Variants in TAFA2 observed in about 807,000 individuals in gnomAD.
The protein encoded by TAFA2 is chemokine-like protein TAFA-2.
Under a neutral mutation model 18.8 loss-of-function variants are expected in TAFA2, and 7 were observed. The observed-to-expected ratio is 0.37, with a 90% CI of 0.21 to 0.70. TAFA2 has a LOEUF of 0.70. TAFA2 is among the 30% of genes least tolerant of loss of function. TAFA2 has a pLI of 0.53. For missense variants in TAFA2, 122 were observed against 158.1 expected (o/e 0.77, Z 1.23); for synonymous variants, 60 against 54.2 (o/e 1.11, Z -0.47).
In TAFA2 at chr12:62,234,741, T is replaced by G. The variant is rs2062828028; in HGVS notation, c.-130+24022A>C. ...GGAGCCCCGTCTACCAGTCCTTTCC[T>G]GAGGCCTGGAGTTCTGCTCTGCTGT... On this transcript the variant is annotated intron_variant, in intron 1 of 5. Coordinates refer to the TAFA2 transcript ENST00000551619. 7 of 1,108,922 alleles carry G rather than the reference T, an allele frequency of 6.3e-6. No homozygotes were observed. In the South Asian group the frequency reaches 8.7e-5, roughly 14 times the overall value. 68.7% of individuals were successfully genotyped at this position (1,108,922 alleles called of 1,614,324 possible).
At chr12:61,836,825 G>C (rs1234632842) in intron 2 of TAFA2, among the ~76,000 whole-genome samples, 1 of 148,092 alleles carries the variant, frequency 6.8e-6, no homozygotes, top group Non-Finnish European at 1.5e-5. Flanking sequence ...TAGTGAAATT[G>C]AACCAGTGTT....
chr12:62,201,312 T>G (rs944123077), intron 1 of TAFA2, among the ~76,000 whole-genome samples: 2 of 152,202 alleles, frequency 1.3e-5, no homozygotes, highest in Admixed American at 6.5e-5. Context: ...ATCCTTGTCT[T>G]ATGCTGGTTA....
At chr12:62,007,646 C>T (rs552402868) in intron 1 of TAFA2, among the ~76,000 whole-genome samples, 3 of 152,290 alleles carry the variant, frequency 2.0e-5, no homozygotes, top group Admixed American at 6.5e-5. Context: ...CAGACCCCAT[C>T]TTCTTTCTTT....
intron 1 of TAFA2, among the ~76,000 whole-genome samples, chr12:61,870,632 CCA>C: frequency 6.6e-6 from 1 of 152,166 alleles, no homozygotes; most frequent in East Asian, 1.9e-4. Flanking sequence ...ATCTTTTTCT[CCA>C]CACACACTCA....
chr12:61,918,177 C>T (rs1876907358), intron 1 of TAFA2, among the ~76,000 whole-genome samples: 1 of 152,106 alleles, frequency 6.6e-6, no homozygotes, highest in South Asian at 2.1e-4. Flanking sequence ...AAATCATACT[C>T]TTTTAGTTAT....
At chr12:61,960,928 C>T (rs955829172) in intron 1 of TAFA2, among the ~76,000 whole-genome samples, 2 of 151,904 alleles carry the variant, frequency 1.3e-5, no homozygotes, top group Non-Finnish European at 2.9e-5. Context: ...TGAGTCTGTT[C>T]TTGCATTGCT....
chr12:61,824,603 A>T (rs997161984), intron 2 of TAFA2, among the ~76,000 whole-genome samples: 1 of 152,200 alleles, frequency 6.6e-6, no homozygotes, highest in African/African-American at 2.4e-5. Flanking sequence ...TACTGAAATA[A>T]AGCACATCTT....
chr12:62,065,847 G>C (rs960764192), intron 1 of TAFA2, among the ~76,000 whole-genome samples: 1 of 151,770 alleles, frequency 6.6e-6, no homozygotes, highest in Admixed American at 6.6e-5. Flanking sequence ...AAGAAAAGTG[G>C]TTTTTACTTG....
upstream of TAFA2, among the ~76,000 whole-genome samples, chr12:62,196,781 ATGAAG>A (rs570365538): frequency 4.7e-4 from 72 of 152,374 alleles, no homozygotes; most frequent in African/African-American, 1.7e-3. Context: ...ACACAGAGAC[ATGAAG>A]TGAGCACATG....
intron 2 of TAFA2, among the ~76,000 whole-genome samples, chr12:61,764,495 C>A (rs181737036): frequency 7.2e-5 from 11 of 152,016 alleles, no homozygotes; most frequent in Admixed American, 6.6e-5. Context: ...AGGATTGGGG[C>A]TCTCATGTGT....
chr12:62,162,493 C>A (rs1449704915), intron 1 of TAFA2, among the ~76,000 whole-genome samples: 1 of 152,160 alleles, frequency 6.6e-6, no homozygotes, highest in Non-Finnish European at 1.5e-5. Flanking sequence ...TAGCAGATTA[C>A]CCGTGATGCA....
intron 1 of TAFA2, among the ~76,000 whole-genome samples, chr12:62,078,173 A>C (rs1440721457): frequency 6.6e-6 from 1 of 151,998 alleles, no homozygotes; most frequent in Non-Finnish European, 1.5e-5. Flanking sequence ...CTCCCTTAAC[A>C]AGCTGACCCA....
upstream of TAFA2, chr12:62,192,866 G>A (rs560222328): frequency 2.0e-5 from 3 of 152,306 alleles, no homozygotes; most frequent in East Asian, 1.9e-4. Context: ...TCCCTCTAGA[G>A]GGTCAACCGG....
intron 1 of TAFA2, among the ~76,000 whole-genome samples, chr12:62,222,546 C>T (rs1274726215): frequency 6.6e-6 from 1 of 151,906 alleles, no homozygotes; most frequent in Non-Finnish European, 1.5e-5. Flanking sequence ...CTTGCTCTGT[C>T]GCCCAGGCTG....
At chr12:62,166,363 A>C (rs569996449) in intron 1 of TAFA2, among the ~76,000 whole-genome samples, 20 of 152,298 alleles carry the variant, frequency 1.3e-4, no homozygotes, top group African/African-American at 4.8e-4. Flanking sequence ...GCAAAATTAC[A>C]TGTAGTTTTA....
At chr12:62,199,865 C>T (rs1278405705) in intron 1 of TAFA2, among the ~76,000 whole-genome samples, 1 of 152,132 alleles carries the variant, frequency 6.6e-6, no homozygotes, top group Non-Finnish European at 1.5e-5. Flanking sequence ...AATTTACATT[C>T]CCACCAACAG....
intron 1 of TAFA2, among the ~76,000 whole-genome samples, chr12:62,043,917 A>G (rs1881837359): frequency 6.6e-6 from 1 of 152,194 alleles, no homozygotes; most frequent in African/African-American, 2.4e-5. Flanking sequence ...GAAAAATAAA[A>G]CAAACGAGGG....
chr12:61,984,455 A>T (rs1371776270), intron 1 of TAFA2, among the ~76,000 whole-genome samples: 1 of 152,212 alleles, frequency 6.6e-6, no homozygotes, highest in Non-Finnish European at 1.5e-5. Context: ...CAGCTGAGGG[A>T]AAACATTAGT....
chr12:61,882,869 T>C (rs898187181), intron 1 of TAFA2, among the ~76,000 whole-genome samples: 5 of 152,170 alleles, frequency 3.3e-5, no homozygotes, highest in African/African-American at 1.2e-4. Context: ...CCTCAGTTGA[T>C]CATTTTGTAC....
Sources: gnomAD v4.1 joint callset for allele counts (sites outside exome capture counted in the v4.1 genomes callset) on GRCh38, gnomAD v4.1.1 for gene constraint, MANE v1.5 for transcripts, NCBI Gene and HGNC (gene_info 2026-07-23, HGNC 2026-07-21) for gene names.